Variants in ABCC8 observed in about 807,000 individuals in gnomAD.
ABCC8 encodes ATP-binding cassette sub-family C member 8.
ABCC8 carries 137 observed loss-of-function variants against 188.0 expected under a neutral mutation model. The observed-to-expected ratio is 0.73, with a 90% CI of 0.63 to 0.84. The LOEUF (loss-of-function observed/expected upper bound fraction) is 0.84, where lower values mean the gene tolerates loss of function less well. Among genes scored for constraint, ABCC8 ranks in the 40% least tolerant of loss-of-function variants. The pLI is 0.00. For missense variants in ABCC8, 1,750 were observed against 2,072.7 expected, an observed-to-expected ratio of 0.84 and a Z score of 3.02; for synonymous variants, 797 against 846.5, an observed-to-expected ratio of 0.94 and a Z score of 1.01.
At chr11:17,460,969 T>C (rs1305478206) in intron 5 of ABCC8, 3 of 496,212 alleles carry the variant, frequency 6.0e-6, no homozygotes, top group East Asian at 4.0e-5. Context: ...GAGGTGGCCA[T>C]GTGCCACACT....
intron 19 of ABCC8, among the ~76,000 whole-genome samples, chr11:17,413,704 T>C (rs1954929552): frequency 6.6e-6 from 1 of 152,168 alleles, no homozygotes; most frequent in African/African-American, 2.4e-5. Flanking sequence ...TGGAATTGGT[T>C]GGGAACAAAT....
At chr11:17,394,121 C>G (rs1953777252) in intron 37 of ABCC8, 145 bp downstream of exon 37, 5 of 1,125,554 alleles carry the variant, frequency 4.4e-6, no homozygotes, top group Non-Finnish European at 6.6e-6. Flanking sequence ...GTCAGGGTCC[C>G]CCCAGCTCTT....
chr11:17,395,300 G>T (rs1444400682), intron 35 of ABCC8, 25 bp from the exon 36 acceptor site: 3 of 1,560,356 alleles, frequency 1.9e-6, no homozygotes, highest in East Asian at 2.4e-5. Flanking sequence ...GAAAGCCCCA[G>T]TAGGGAGGGA....
At chr11:17,439,065 A>T (rs1444228915) in intron 10 of ABCC8, among the ~76,000 whole-genome samples, 1 of 152,198 alleles carries the variant, frequency 6.6e-6, no homozygotes, top group African/African-American at 2.4e-5. Flanking sequence ...AGAACATCTT[A>T]TCATTTTTCC....
chr11:17,435,744 G>A (rs1025404557), intron 10 of ABCC8: 29 of 1,350,740 alleles, frequency 2.1e-5, no homozygotes, highest in Non-Finnish European at 3.0e-5. Context: ...GGTATAGCTG[G>A]GGAATCTTCA....
intron 8 of ABCC8, 102 bp from the exon 9 acceptor site, chr11:17,443,414 G>A (rs1321920884): frequency 1.9e-6 from 3 of 1,591,188 alleles, no homozygotes; most frequent in Middle Eastern, 1.7e-4. Context: ...AGTGGGACAA[G>A]CCTTGGTGCC....
intron 16 of ABCC8, 71 bp downstream of exon 16, chr11:17,426,978 G>A (rs752746122): frequency 1.3e-6 from 2 of 1,536,816 alleles, no homozygotes; most frequent in East Asian, 2.3e-5. Context: ...AAATGTGTGT[G>A]CATCCTCAAC....
rs1416382508 is a variant in ABCC8, at chr11:17,424,721, T to A, written c.2222+2328A>T. 4.6e-5 allele frequency among the ~76,000 whole-genome samples: 7 copies of A among 152,280 alleles called. No individual in the cohort carries two copies. The East Asian group carries it at 1.2e-3, about 25-fold the overall frequency. On this transcript the variant is annotated intron_variant, in intron 16 of 38. Coordinates refer to ENST00000389817, the MANE Select transcript of ABCC8 (RefSeq NM_000352.6). ...GCCCTGCCTTGGAGGAGAGCCCAGA[T>A]CCAGCCTGACCACTACATGGGGCTT... is the stretch of plus-strand genomic sequence containing the variant.
intron 10 of ABCC8, among the ~76,000 whole-genome samples, chr11:17,433,534 A>C (rs1955942950): frequency 6.6e-6 from 1 of 152,252 alleles, no homozygotes; most frequent in Non-Finnish European, 1.5e-5. Flanking sequence ...ACTTCAGGGA[A>C]TCCCAAGTGG....
At chr11:17,462,538 C>T (rs1175898677) in intron 4 of ABCC8, among the ~76,000 whole-genome samples, 1 of 152,196 alleles carries the variant, frequency 6.6e-6, no homozygotes, top group Admixed American at 6.5e-5. Context: ...CCCAGCAACG[C>T]CATTCCTTGG....
chr11:17,453,322 A>G, intron 6 of ABCC8, 39 bp from the exon 7 acceptor site: 1 of 1,612,166 alleles, frequency 6.2e-7, no homozygotes, highest in Non-Finnish European at 8.5e-7. Flanking sequence ...TGTCATTGCC[A>G]GCAAAATGAC....
chr11:17,448,764 T>C, intron 7 of ABCC8, 93 bp from the exon 8 acceptor site: 1 of 1,606,294 alleles, frequency 6.2e-7, no homozygotes, highest in South Asian at 1.1e-5. Flanking sequence ...CAGGGGCTTC[T>C]CAGACAGTCC....
At chr11:17,467,813 G>A (rs182891191) in intron 3 of ABCC8, among the ~76,000 whole-genome samples, 73 of 152,356 alleles carry the variant, frequency 4.8e-4, no homozygotes, top group Non-Finnish European at 7.8e-4. Context: ...TGGCTCTGTG[G>A]AGTGTCCTTT....
At position 17,453,162 on chromosome 11, in the gene ABCC8, T is replaced by A; in HGVS notation, c.1133A>T (p.Tyr378Phe). The change falls in exon 7 of 39, where the codon TAT becomes TTT. Residue 378 changes from tyrosine (Y) to phenylalanine (F), a missense_variant. By Grantham distance (22) the Tyr-to-Phe change is conservative (BLOSUM62 3). Coordinates refer to ENST00000389817, the MANE Select transcript of ABCC8 (RefSeq NM_000352.6). The part of the protein sequence containing the change: ...LQRTFLQASY[Y>F]VAIETGINLR... ...GTTAATTCCAGTTTCAATGGCCACATAGTAGGATGCTTGCAGAAATGTCCT... is the reference window on the plus strand; with the variant it reads ...GTTAATTCCAGTTTCAATGGCCACAAAGTAGGATGCTTGCAGAAATGTCCT... 6.2e-7 allele frequency: 1 copy of A among 1,614,016 alleles called. No individual in the cohort carries two copies. The highest frequency in any genetic ancestry group is 8.5e-7 in the Non-Finnish European group (1 of 1,179,978).
Position 17,397,237 on chromosome 11 carries a change from T to C in ABCC8, c.3944A>G (p.His1315Arg), listed in dbSNP as rs766624549. Residue 1315 changes from histidine to arginine, a missense_variant, in exon 32 of 39, where the codon CAT becomes CGT. Coordinates refer to ENST00000389817, the MANE Select transcript of ABCC8 (RefSeq NM_000352.6). ...ELQLGAVKRI[H>R]GLLKTEAESY... ...CTCTGCCTCGGTTTTCAGGAGCCCA[T>C]GGATGCGCTTCACAGCCCCCAGCTG... The C allele has an allele frequency of 4.3e-6, 7 of 1,613,616 alleles. No individual in the cohort carries two copies. The highest frequency in any genetic ancestry group is 2.7e-5 in the African/African-American group (2 of 74,922).
intron 7 of ABCC8, among the ~76,000 whole-genome samples, chr11:17,451,517 C>T (rs1448282096): frequency 1.3e-5 from 2 of 152,228 alleles, no homozygotes; most frequent in Non-Finnish European, 2.9e-5. Context: ...CCAAGATAGC[C>T]AGAGTTTGGA....
At chr11:17,396,524 G>A (rs572299070) in intron 33 of ABCC8, 54 of 315,802 alleles carry the variant, frequency 1.7e-4, no homozygotes, top group South Asian at 1.6e-3. Flanking sequence ...CAGGGCCATA[G>A]GCAGGGGCTC....
intron 6 of ABCC8, among the ~76,000 whole-genome samples, chr11:17,457,691 C>T (rs1052580935): frequency 1.3e-5 from 2 of 152,116 alleles, no homozygotes; most frequent in East Asian, 3.9e-4. Context: ...AGCGGGGTGA[C>T]AGGAGCATCA....
intron 2 of ABCC8, 143 bp from the exon 3 acceptor site, chr11:17,470,365 T>C: frequency 1.4e-6 from 2 of 1,406,550 alleles, no homozygotes; most frequent in Non-Finnish European, 1.9e-6. Flanking sequence ...TTAATGGGCG[T>C]ATTTGGGGTA....
Sources: allele counts gnomAD v4.1 joint callset (sites outside exome capture counted in the v4.1 genomes callset), GRCh38; gene constraint gnomAD v4.1.1; transcripts MANE v1.5; gene names NCBI Gene and HGNC (gene_info 2026-07-23, HGNC 2026-07-21).